The following UBAP2 variants were observed in gnomAD, a reference collection of about 807,000 sequenced individuals.
The protein encoded by UBAP2 is ubiquitin-associated protein 2.
Under a neutral mutation model 139.6 loss-of-function variants are expected in UBAP2, and 75 were observed. That is an observed-to-expected ratio of 0.54 (90% CI 0.45 to 0.65). The LOEUF (loss-of-function observed/expected upper bound fraction) is 0.65. UBAP2 is among the 30% of genes least tolerant of loss of function. The probability of loss-of-function intolerance (pLI) is 0.00; values close to 1 mark genes in which losing one functional copy is unlikely to be tolerated. For missense variants in UBAP2, 1,368 were observed against 1,369.6 expected, an observed-to-expected ratio of 1.00 and a Z score of 0.02; for synonymous variants, 526 against 526.2, an observed-to-expected ratio of 1.00 and a Z score of 0.01.
At chr9:33,951,215 G>C (rs1587549343) in intron 12 of UBAP2, among the ~76,000 whole-genome samples, 1 of 151,672 alleles carries the variant, frequency 6.6e-6, no homozygotes, top group Non-Finnish European at 1.5e-5. Flanking sequence ...ATGAGGCCTC[G>C]CTATGTTGCC....
At chr9:33,980,408 G>A (rs1261889052) in intron 6 of UBAP2, among the ~76,000 whole-genome samples, 1 of 136,772 alleles carries the variant, frequency 7.3e-6, no homozygotes, top group Non-Finnish European at 1.6e-5. Flanking sequence ...ATCTTTTTTT[G>A]TATTTTTTTT....
At chr9:33,982,578 G>A (rs140901861) in intron 6 of UBAP2, among the ~76,000 whole-genome samples, 34 of 152,082 alleles carry the variant, frequency 2.2e-4, no homozygotes, top group East Asian at 1.9e-3. Flanking sequence ...CCTATTCACC[G>A]GTATATATAC....
At chr9:34,012,645 A>C (rs1823857339) in intron 2 of UBAP2, among the ~76,000 whole-genome samples, 1 of 152,164 alleles carries the variant, frequency 6.6e-6, no homozygotes, top group South Asian at 2.1e-4. Context: ...TTTTTAAAAA[A>C]CACTGAGGTA....
chr9:34,014,034 T>G (rs939793617), intron 2 of UBAP2, among the ~76,000 whole-genome samples: 2 of 151,362 alleles, frequency 1.3e-5, no homozygotes, highest in African/African-American at 4.9e-5. Flanking sequence ...AGAAAAAAAT[T>G]TAAAAGGGCC....
At chr9:33,950,252 T>G (rs1825991475) in intron 12 of UBAP2, among the ~76,000 whole-genome samples, 1 of 152,168 alleles carries the variant, frequency 6.6e-6, no homozygotes, top group African/African-American at 2.4e-5. Flanking sequence ...GTTGTATTTT[T>G]AGTAGAGACG....
At chr9:34,049,162 CCCA>C (rs1827895532), upstream of UBAP2, among the ~76,000 whole-genome samples, 1 of 152,228 alleles carries the variant, frequency 6.6e-6, no homozygotes, top group Non-Finnish European at 1.5e-5. Context: ...ATACAAGGTG[CCCA>C]CAACTGCAGC....
chr9:34,007,011 G>T (rs1013355365), intron 2 of UBAP2, among the ~76,000 whole-genome samples: 1 of 152,126 alleles, frequency 6.6e-6, no homozygotes, highest in African/African-American at 2.4e-5. Flanking sequence ...GCTAATTTTT[G>T]TTGTTGATTT....
At chr9:33,926,903 C>G in intron 21 of UBAP2, 86 bp downstream of exon 21, 1 of 1,390,266 alleles carries the variant, frequency 7.2e-7, no homozygotes, top group South Asian at 1.2e-5. Context: ...AGGTGGGCAA[C>G]CTGGGCCCAA....
At chr9:34,038,746 C>T (rs913626971) in intron 1 of UBAP2, among the ~76,000 whole-genome samples, 1 of 151,580 alleles carries the variant, frequency 6.6e-6, no homozygotes, top group Non-Finnish European at 1.5e-5. Flanking sequence ...GGCCGCCCAT[C>T]GTCTGGGATG....
At chr9:33,992,097 CA>C (rs1206071149) in intron 4 of UBAP2, among the ~76,000 whole-genome samples, 1 of 152,006 alleles carries the variant, frequency 6.6e-6, no homozygotes, top group South Asian at 2.1e-4. Context: ...ACTAAACATA[CA>C]AAAATTAGCA....
chr9:33,993,263 C>T (rs778148692), intron 4 of UBAP2, among the ~76,000 whole-genome samples: 3 of 152,238 alleles, frequency 2.0e-5, no homozygotes, highest in Non-Finnish European at 2.9e-5. Flanking sequence ...CGTTTGCCTT[C>T]ATGCTCTTGC....
chr9:33,995,515 A>G (rs933171426), intron 4 of UBAP2: 1 of 117,554 alleles, frequency 8.5e-6, no homozygotes, highest in African/African-American at 3.0e-5. Flanking sequence ...TTATATTATT[A>G]AATATATAAA....
At chr9:34,026,058 G>T (rs753472905) in intron 1 of UBAP2, among the ~76,000 whole-genome samples, 1 of 152,124 alleles carries the variant, frequency 6.6e-6, no homozygotes, top group Admixed American at 6.6e-5. Context: ...CAAAAAACAC[G>T]GTCGGGTAAA....
At chr9:34,016,787 AC>A (rs1824390719) in intron 2 of UBAP2, among the ~76,000 whole-genome samples, 1 of 151,920 alleles carries the variant, frequency 6.6e-6, no homozygotes, top group Non-Finnish European at 1.5e-5. Flanking sequence ...CAAACTCCTG[AC>A]CTCAAGTGAT....
At chr9:33,981,855 G>GGGAAGGAA (rs148902332) in intron 6 of UBAP2, among the ~76,000 whole-genome samples, 24 of 138,944 alleles carry the variant, frequency 1.7e-4, no homozygotes, top group African/African-American at 6.4e-4. Flanking sequence ...AAGGGAGGGA[G>GGGAAGGAA]GGAAGGAAGG....
chr9:33,953,387 G>T lies in UBAP2; in HGVS notation c.954C>A (p.Gly318=). 1.2e-6 allele frequency: 2 copies of T among 1,614,192 alleles called. No individual in the cohort carries two copies. The highest frequency in any genetic ancestry group is 2.2e-5 in the South Asian group (2 of 91,088). ...TTGTGAAGACAAGGGCTTGGCCAAA[G>T]CCCTGCTGTTGGGAAGTTTCAAAGG... ...ANSFETSQQQ[G]FGQALVFTNS... Residue 318 remains glycine, a synonymous_variant, in exon 12 of 29, where the codon GGC becomes GGA. Coordinates refer to ENST00000379238, the MANE Select transcript of UBAP2 (RefSeq NM_001370062.2).
intron 17 of UBAP2, 56 bp downstream of exon 17, chr9:33,935,783 C>A: frequency 6.2e-7 from 1 of 1,601,044 alleles, no homozygotes; most frequent in African/African-American, 1.3e-5. Flanking sequence ...GAGCTATCCT[C>A]TTCCTCTGTT....
chr9:34,017,942 T>A (rs1448942841), intron 1 of UBAP2, among the ~76,000 whole-genome samples: 1 of 151,272 alleles, frequency 6.6e-6, no homozygotes, highest in Non-Finnish European at 1.5e-5. Flanking sequence ...AAAAAAAAAA[T>A]TGTGCATATA....
At chr9:34,022,562 A>T (rs913292796) in intron 1 of UBAP2, among the ~76,000 whole-genome samples, 3 of 151,254 alleles carry the variant, frequency 2.0e-5, no homozygotes, top group Non-Finnish European at 4.4e-5. Flanking sequence ...CAGCCTCCCA[A>T]GTAGCTGGGA....
Sources: allele counts gnomAD v4.1 joint callset (sites outside exome capture counted in the v4.1 genomes callset), GRCh38; gene constraint gnomAD v4.1.1; transcripts MANE v1.5; gene names NCBI Gene and HGNC (gene_info 2026-07-23, HGNC 2026-07-21).